Variants in RANBP2 observed in about 807,000 individuals in gnomAD.
RANBP2 encodes the protein E3 SUMO-protein ligase RanBP2.
Under a neutral mutation model 303.6 loss-of-function variants are expected in RANBP2, and 57 were observed. The ratio of observed to expected loss-of-function variants is 0.19; its 90% CI spans 0.15 to 0.23. RANBP2 has a LOEUF of 0.23. RANBP2 is among the 10% of genes least tolerant of loss of function. The pLI, the probability that RANBP2 is intolerant of heterozygous loss-of-function variation, is 1.00. For missense variants in RANBP2, 3,138 were observed against 3,780.8 expected (o/e 0.83, Z 4.46); for synonymous variants, 1,167 against 1,301.5 (o/e 0.90, Z 2.23).
chr2:109,080,812 T>C, the RANBP2 span, among the ~76,000 whole-genome samples: 1 of 152,188 alleles, frequency 6.6e-6, no homozygotes, highest in Admixed American at 6.5e-5. Context: ...ATCATTAAAC[T>C]AGTAGGGGGT....
At chr2:109,052,656 A>G in the RANBP2 span, among the ~76,000 whole-genome samples, 1 of 152,158 alleles carries the variant, frequency 6.6e-6, no homozygotes, top group African/African-American at 2.4e-5. Flanking sequence ...AAGCTGAGGA[A>G]GCCCAGCTAA....
At chr2:108,873,586 T>C in the RANBP2 span, 1 of 1,577,728 alleles carries the variant, frequency 6.3e-7, no homozygotes, top group Non-Finnish European at 8.6e-7. Context: ...CTTTCCAAAA[T>C]CAAGTAAGAA....
At chr2:109,125,987 C>T in the RANBP2 span, among the ~76,000 whole-genome samples, 22 of 152,306 alleles carry the variant, frequency 1.4e-4, no homozygotes, top group Non-Finnish European at 8.8e-5. Context: ...AACTGTTGAA[C>T]ATCAGGAGAT....
the RANBP2 span, among the ~76,000 whole-genome samples, chr2:109,451,675 A>G: frequency 6.6e-6 from 1 of 152,246 alleles, no homozygotes; most frequent in Non-Finnish European, 1.5e-5. Context: ...CTTAAGGTTT[A>G]TGCCCTCTAA....
downstream of RANBP2, among the ~76,000 whole-genome samples, chr2:108,788,330 G>A (rs770300892): frequency 1.3e-5 from 2 of 151,996 alleles, no homozygotes; most frequent in Non-Finnish European, 2.9e-5. Context: ...TGAGGCAGGA[G>A]AATCGGTTGA....
At chr2:108,880,224 C>CAAAA in the RANBP2 span, among the ~76,000 whole-genome samples, 212 of 50,466 alleles carry the variant, frequency 4.2e-3, no homozygotes, top group African/African-American at 0.01. Context: ...CAAAAACAAA[C>CAAAA]AAAAAAAAAA....
chr2:109,568,217 A>C, the RANBP2 span, among the ~76,000 whole-genome samples: 101 of 152,132 alleles, frequency 6.6e-4, no homozygotes, highest in Middle Eastern at 3.4e-3. Flanking sequence ...AGCAGAGATG[A>C]GTTGCTGCTG....
chr2:108,727,088 C>T (rs1212856114), intron 1 of RANBP2, among the ~76,000 whole-genome samples: 1 of 152,156 alleles, frequency 6.6e-6, no homozygotes, highest in East Asian at 1.9e-4. Context: ...CCACCTTTCC[C>T]GCCTTTCTAT....
the RANBP2 span, among the ~76,000 whole-genome samples, chr2:109,203,699 T>C: frequency 6.6e-6 from 1 of 152,174 alleles, no homozygotes; most frequent in African/African-American, 2.4e-5. Context: ...TTCCACCCCC[T>C]GGGCCTGGAG....
At chr2:109,431,335 G>A in the RANBP2 span, among the ~76,000 whole-genome samples, 2 of 152,230 alleles carry the variant, frequency 1.3e-5, no homozygotes, top group Non-Finnish European at 1.5e-5. Context: ...GCCTCCACCA[G>A]CTTCCGTGGC....
chr2:109,081,375 G>C, the RANBP2 span, among the ~76,000 whole-genome samples: 1 of 152,170 alleles, frequency 6.6e-6, no homozygotes, highest in Admixed American at 6.5e-5. Context: ...CCCATGCAGG[G>C]ATGGGGAGCT....
the RANBP2 span, among the ~76,000 whole-genome samples, chr2:109,678,936 G>A: frequency 5.7e-3 from 871 of 152,300 alleles, 8 homozygotes; most frequent in African/African-American, 0.02. Flanking sequence ...GCAGGAAGGA[G>A]GCGCTGCCCA....
the RANBP2 span, among the ~76,000 whole-genome samples, chr2:108,814,874 G>T: frequency 6.6e-6 from 1 of 151,842 alleles, no homozygotes; most frequent in Non-Finnish European, 1.5e-5. Context: ...GACCTCTGGT[G>T]ATCCACCTGC....
chr2:109,020,539 A>G, the RANBP2 span, among the ~76,000 whole-genome samples: 1 of 152,218 alleles, frequency 6.6e-6, no homozygotes, highest in Non-Finnish European at 1.5e-5. Context: ...TCTGCCCCAG[A>G]TGGAAGAGAG....
At chr2:108,791,837 G>T in the RANBP2 span, 8 of 1,534,384 alleles carry the variant, frequency 5.2e-6, no homozygotes, top group East Asian at 1.4e-4. Context: ...CAATTCAGTA[G>T]TAACTTTGTC....
chr2:109,238,449 TTGTGTGTGTGTGTGTGTGTGTGTGTGTG>T, the RANBP2 span, among the ~76,000 whole-genome samples: 5 of 142,714 alleles, frequency 3.5e-5, no homozygotes, highest in Admixed American at 2.8e-4. Context: ...TTATGTATAT[TTGTGTGTGTGTGTGTGTGTGTGTGTGTG>T]TGTGTGTGTG....
chr2:108,799,243 A>G, the RANBP2 span, among the ~76,000 whole-genome samples: 1 of 152,162 alleles, frequency 6.6e-6, no homozygotes, highest in African/African-American at 2.4e-5. Context: ...TAGACAAAAT[A>G]TTTTTGGCAA....
chr2:109,230,290 C>G, the RANBP2 span, among the ~76,000 whole-genome samples: 1 of 152,050 alleles, frequency 6.6e-6, no homozygotes, highest in East Asian at 1.9e-4. Flanking sequence ...AAATCTGTAA[C>G]CCTGGCCAGG....
the RANBP2 span, among the ~76,000 whole-genome samples, chr2:109,538,951 CTTT>C: frequency 3.2e-4 from 48 of 152,160 alleles, 1 homozygote; most frequent in African/African-American, 1.1e-3. Flanking sequence ...AGTGATAATA[CTTT>C]TTTGTTTTTA....
Sources: allele counts gnomAD v4.1 joint callset (sites outside exome capture counted in the v4.1 genomes callset), GRCh38; gene constraint gnomAD v4.1.1; transcripts MANE v1.5; gene names NCBI Gene and HGNC (gene_info 2026-07-23, HGNC 2026-07-21).